Variants in PIWIL1 observed in about 807,000 individuals in gnomAD.
PIWIL1 encodes piwi-like protein 1.
PIWIL1 carries 73 observed loss-of-function variants against 114.4 expected under a neutral mutation model. The ratio of observed to expected loss-of-function variants is 0.64; its 90% CI spans 0.53 to 0.78. The LOEUF is 0.78. Ranked by LOEUF, PIWIL1 falls within the 30% of genes least tolerant of loss-of-function variation. The probability of loss-of-function intolerance (pLI) is 0.00; values close to 1 mark genes in which losing one functional copy is unlikely to be tolerated. For synonymous variants in PIWIL1, 375 were observed against 369.0 expected (o/e 1.02, Z -0.19); for missense variants, 723 against 1,063.1 (o/e 0.68, Z 4.45).
chr12:130,399,736 A>AAGAT, the PIWIL1 span: 1 of 1,614,220 alleles, frequency 6.2e-7, no homozygotes, highest in African/African-American at 1.3e-5. Flanking sequence ...GAGCATCAGA[A>AAGAT]AGATAGACTT....
chr12:130,422,723 G>A, the PIWIL1 span, among the ~76,000 whole-genome samples: 3 of 152,158 alleles, frequency 2.0e-5, no homozygotes, highest in Non-Finnish European at 2.9e-5. This position sits in a 1 kb window ranked among gnomAD's most constrained non-coding sequence, Gnocchi z 5.2. Flanking sequence ...GAACAAAGCC[G>A]GGCACCAGCA....
the PIWIL1 span, among the ~76,000 whole-genome samples, chr12:130,404,828 C>T: frequency 6.6e-6 from 1 of 152,026 alleles, no homozygotes; most frequent in East Asian, 1.9e-4. Flanking sequence ...CATAAAAATG[C>T]ATTATAAAAA....
chr12:130,397,847 G>A, the PIWIL1 span: 1 of 222,728 alleles, frequency 4.5e-6, no homozygotes, highest in Non-Finnish European at 8.7e-6. Flanking sequence ...CTAAGGGCAG[G>A]GGAGACATGA....
intron 19 of PIWIL1, among the ~76,000 whole-genome samples, chr12:130,369,506 C>T (rs1593125527): frequency 6.8e-6 from 1 of 147,288 alleles, no homozygotes; most frequent in African/African-American, 2.5e-5. Flanking sequence ...AATTTACATT[C>T]CCACCAACAG....
intron 14 of PIWIL1, among the ~76,000 whole-genome samples, 189 bp downstream of exon 14, chr12:130,357,742 G>T: frequency 6.6e-6 from 1 of 152,250 alleles, no homozygotes; most frequent in Non-Finnish European, 1.5e-5. Flanking sequence ...TAGGAGTTTG[G>T]TTTACATACT....
the PIWIL1 span, among the ~76,000 whole-genome samples, chr12:130,378,240 G>C: frequency 6.6e-6 from 1 of 152,176 alleles, no homozygotes; most frequent in Non-Finnish European, 1.5e-5. Context: ...CGGGTAGCAT[G>C]CACTCTTGTG....
chr12:130,341,246 C>T (rs537147253), intron 1 of PIWIL1, among the ~76,000 whole-genome samples: 5 of 152,332 alleles, frequency 3.3e-5, no homozygotes, highest in Admixed American at 6.5e-5. Context: ...TCCAGTCCCA[C>T]TGGACGTCTT....
intron 14 of PIWIL1, among the ~76,000 whole-genome samples, chr12:130,360,430 T>A (rs2073477706): frequency 6.6e-6 from 1 of 151,968 alleles, no homozygotes; most frequent in Non-Finnish European, 1.5e-5. Flanking sequence ...GTCAGGAGAT[T>A]GAGAACATCT....
rs368173722 is a variant in PIWIL1 at position 130,357,427 on chromosome 12, C to T, written c.1593-54C>T. ...TGTTACACAGGAAGGTGTTTATGCA[C>T]GGTCCATTTGTCGCTACTGTGTCTG... On this transcript the variant is annotated intron_variant, in intron 13 of 20. Transcript: ENST00000245255. 6.3e-5 allele frequency: 82 copies of T among 1,302,528 alleles called. 3 individuals are homozygous for T. The highest frequency in any genetic ancestry group is 4.2e-4 in the African/African-American group (29 of 68,824). 80.7% of individuals were successfully genotyped at this position (1,302,528 alleles called of 1,614,324 possible). A position where few individuals can be genotyped will look rare whatever the true frequency, so the allele number is the denominator to read the frequency against.
chr12:130,416,555 C>A, the PIWIL1 span, among the ~76,000 whole-genome samples: 1 of 152,182 alleles, frequency 6.6e-6, no homozygotes, highest in Non-Finnish European at 1.5e-5. Flanking sequence ...CTACCTTTTA[C>A]CATATACAAA....
the PIWIL1 span, among the ~76,000 whole-genome samples, chr12:130,402,215 T>C: frequency 2.6e-5 from 4 of 152,152 alleles, no homozygotes; most frequent in Non-Finnish European, 5.9e-5. Flanking sequence ...TAAGTTCCGT[T>C]CTGTTTGGAG....
chr12:130,354,841 T>A (rs757589987), intron 10 of PIWIL1, 47 bp from the exon 11 acceptor site: 1 of 1,453,618 alleles, frequency 6.9e-7, no homozygotes, highest in South Asian at 1.2e-5. Context: ...TATTTAGACC[T>A]GATTATTATT....
chr12:130,399,887 T>C, the PIWIL1 span: 1 of 1,521,992 alleles, frequency 6.6e-7, no homozygotes, highest in Middle Eastern at 2.0e-4. Flanking sequence ...GCTAAAGGAA[T>C]ACAGCTCAGA....
At chr12:130,358,088 GTGT>G (rs1160188180) in intron 14 of PIWIL1, among the ~76,000 whole-genome samples, 4 of 152,170 alleles carry the variant, frequency 2.6e-5, no homozygotes, top group Admixed American at 1.3e-4. Context: ...ACCTGCAAAC[GTGT>G]TGTTGTTGTG....
chr12:130,404,615 G>A, the PIWIL1 span, among the ~76,000 whole-genome samples: 3,682 of 152,244 alleles, frequency 0.024, 146 homozygotes, highest in African/African-American at 0.084. Context: ...GTAAACTTAA[G>A]ATATATAAAG....
chr12:130,346,037 T>G (rs140878985), intron 4 of PIWIL1, among the ~76,000 whole-genome samples, 159 bp downstream of exon 4: 1 of 152,220 alleles, frequency 6.6e-6, no homozygotes, highest in Non-Finnish European at 1.5e-5. Context: ...GTTATAGATA[T>G]CTTTAACTGC....
At chr12:130,352,517 A>G (rs1166250089) in intron 9 of PIWIL1, among the ~76,000 whole-genome samples, 2 of 152,264 alleles carry the variant, frequency 1.3e-5, no homozygotes, top group African/African-American at 4.8e-5. Context: ...CGTCTCTACT[A>G]AAAATACAAA....
chr12:130,377,806 G>A, the PIWIL1 span, among the ~76,000 whole-genome samples: 2 of 152,216 alleles, frequency 1.3e-5, no homozygotes, highest in African/African-American at 4.8e-5. Context: ...CCTTGGTCTG[G>A]GGCCTGGGGG....
At chr12:130,369,444 G>A (rs986781885) in intron 19 of PIWIL1, among the ~76,000 whole-genome samples, 3 of 152,014 alleles carry the variant, frequency 2.0e-5, no homozygotes, top group Non-Finnish European at 2.9e-5. Context: ...ATGGTATTTC[G>A]GGTTCTAGAT....
Sources: allele counts gnomAD v4.1 joint callset (sites outside exome capture counted in the v4.1 genomes callset), GRCh38; gene constraint gnomAD v4.1.1; non-coding constraint Gnocchi (gnomAD v3.1); transcripts MANE v1.5; gene names NCBI Gene and HGNC (gene_info 2026-07-23, HGNC 2026-07-21).